SUSD4: variants seen among roughly 807,000 people sequenced by gnomAD.
SUSD4 encodes the protein sushi domain containing 4.
A neutral mutation model predicts 50.5 loss-of-function variants in SUSD4; 41 were observed. The ratio of observed to expected loss-of-function variants is 0.81; its 90% CI spans 0.63 to 1.05. The LOEUF (loss-of-function observed/expected upper bound fraction) is 1.05, where lower values mean the gene tolerates loss of function less well. SUSD4 is among the 50% of genes least tolerant of loss of function. SUSD4 has a pLI of 0.00. For synonymous variants in SUSD4, 257 were observed against 257.3 expected, an observed-to-expected ratio of 1.00 and a Z score of 0.01; for missense variants, 580 against 634.7, an observed-to-expected ratio of 0.91 and a Z score of 0.93.
chr1:223,242,740 T>C (rs1660664879), intron 5 of SUSD4, among the ~76,000 whole-genome samples: 2 of 152,208 alleles, frequency 1.3e-5, no homozygotes, highest in Admixed American at 1.3e-4. Context: ...AGAGCTGTTG[T>C]GAGGGCTGTA....
At chr1:223,306,557 T>A (rs557202515) in intron 2 of SUSD4, among the ~76,000 whole-genome samples, 2 of 152,312 alleles carry the variant, frequency 1.3e-5, no homozygotes, top group African/African-American at 4.8e-5. Context: ...AGTGGCACAA[T>A]CTCAGCTCAC....
intron 2 of SUSD4, among the ~76,000 whole-genome samples, chr1:223,324,769 G>C (rs1309493416): frequency 6.6e-6 from 1 of 151,746 alleles, no homozygotes; most frequent in Non-Finnish European, 1.5e-5. Flanking sequence ...GGAGGGTAAA[G>C]GCTGAATCAG....
intron 5 of SUSD4, among the ~76,000 whole-genome samples, chr1:223,245,806 T>C (rs1660884903): frequency 6.6e-6 from 1 of 151,210 alleles, no homozygotes; most frequent in African/African-American, 2.5e-5. Flanking sequence ...TATTCCTCTG[T>C]TTCTAAATAG....
At chr1:223,327,608 C>T (rs1666948687) in intron 2 of SUSD4, among the ~76,000 whole-genome samples, 1 of 152,210 alleles carries the variant, frequency 6.6e-6, no homozygotes, top group Non-Finnish European at 1.5e-5. Context: ...GCCCTAGATT[C>T]TACAAACTCC....
chr1:223,308,997 C>T (rs1312044686), intron 2 of SUSD4, among the ~76,000 whole-genome samples: 1 of 152,104 alleles, frequency 6.6e-6, no homozygotes, highest in Non-Finnish European at 1.5e-5. Flanking sequence ...ATGAACTCAT[C>T]CAAAAAGACT....
intron 2 of SUSD4, among the ~76,000 whole-genome samples, chr1:223,358,105 G>A (rs552728301): frequency 8.4e-4 from 128 of 152,346 alleles, no homozygotes; most frequent in African/African-American, 2.9e-3. Context: ...TTTAAAATAT[G>A]TGTGAAAAAA....
chr1:223,314,926 A>G (rs73122282), intron 2 of SUSD4, among the ~76,000 whole-genome samples: 3 of 152,342 alleles, frequency 2.0e-5, no homozygotes, highest in African/African-American at 7.2e-5. Flanking sequence ...CTATCTGCCG[A>G]GAATTTTCTC....
chr1:223,287,587 A>C (rs918519305), intron 3 of SUSD4, among the ~76,000 whole-genome samples: 1 of 152,166 alleles, frequency 6.6e-6, no homozygotes, highest in African/African-American at 2.4e-5. Flanking sequence ...TGCTGGGATT[A>C]AGAAGAGCCC....
intron 5 of SUSD4, among the ~76,000 whole-genome samples, chr1:223,236,848 C>T (rs979455538): frequency 6.6e-6 from 1 of 151,958 alleles, no homozygotes; most frequent in African/African-American, 2.4e-5. Flanking sequence ...TTTTGCTTCC[C>T]CATATAAACT....
rs1232009673 is a variant in SUSD4 at position 223,263,075 on chromosome 1, T to G, written c.724+1555A>C. 2.0e-5 allele frequency among the ~76,000 whole-genome samples: 3 copies of G among 152,220 alleles called. No homozygotes were observed. The East Asian group carries it at 5.8e-4, about 29-fold the overall frequency. On this transcript the variant is annotated intron_variant, in intron 5 of 8. Transcript: ENST00000366878. ...AGAACCTGACTGCTTGAAACACATT[T>G]AAACCAAATTTGAAAAGATTTGAAA...
At chr1:223,266,997 C>A (rs946501916) in intron 4 of SUSD4, among the ~76,000 whole-genome samples, 1 of 152,268 alleles carries the variant, frequency 6.6e-6, no homozygotes, top group East Asian at 1.9e-4. Flanking sequence ...GGGACAGAGG[C>A]CTCTGAGGAG....
intron 3 of SUSD4, among the ~76,000 whole-genome samples, chr1:223,274,254 C>T (rs995499203): frequency 7.2e-5 from 11 of 152,100 alleles, no homozygotes; most frequent in Admixed American, 5.2e-4. Flanking sequence ...CCAACTGAGA[C>T]GAATGATTTG....
intron 2 of SUSD4, among the ~76,000 whole-genome samples, chr1:223,351,410 A>G (rs1558275302): frequency 6.6e-6 from 1 of 152,242 alleles, no homozygotes; most frequent in Non-Finnish European, 1.5e-5. Flanking sequence ...ACCCTGCAGG[A>G]GAGCAAAAGG....
At chr1:223,314,582 CAT>C (rs1185015133) in intron 2 of SUSD4, among the ~76,000 whole-genome samples, 1 of 152,162 alleles carries the variant, frequency 6.6e-6, no homozygotes, top group African/African-American at 2.4e-5. Context: ...ATAATTCCCA[CAT>C]GTTATGGGAG....
intron 3 of SUSD4, among the ~76,000 whole-genome samples, chr1:223,275,276 G>A (rs904633739): frequency 5.3e-5 from 8 of 152,242 alleles, no homozygotes; most frequent in Non-Finnish European, 1.0e-4. Context: ...TGTAGGTTAT[G>A]TAGGTTGTTG....
chr1:223,289,383 G>A (rs895677684), intron 3 of SUSD4: 1 of 829,120 alleles, frequency 1.2e-6, no homozygotes, highest in Admixed American at 6.2e-5. Flanking sequence ...TCACTTGGAA[G>A]AAGCAAGTTG....
At chr1:223,314,790 GGC>G (rs1666084234) in intron 2 of SUSD4, among the ~76,000 whole-genome samples, 2 of 152,176 alleles carry the variant, frequency 1.3e-5, no homozygotes, top group African/African-American at 4.8e-5. Flanking sequence ...CCAGCCATGT[GGC>G]ACTGTGAGTC....
chr1:223,267,356 GTCCGGGGTTGTT>G (rs1353110618), intron 4 of SUSD4, among the ~76,000 whole-genome samples: 1 of 152,212 alleles, frequency 6.6e-6, no homozygotes, highest in East Asian at 1.9e-4. Context: ...AGTGGCTGCA[GTCCGGGGTTGTT>G]TTCCTGGCCA....
intron 7 of SUSD4, among the ~76,000 whole-genome samples, chr1:223,224,029 T>C (rs1571819294): frequency 6.6e-6 from 1 of 152,188 alleles, no homozygotes; most frequent in African/African-American, 2.4e-5. Flanking sequence ...TAGGATGGGA[T>C]TGAAAGTGGG....
Sources: allele counts gnomAD v4.1 joint callset (sites outside exome capture counted in the v4.1 genomes callset), GRCh38; gene constraint gnomAD v4.1.1; transcripts MANE v1.5; gene names NCBI Gene and HGNC (gene_info 2026-07-23, HGNC 2026-07-21).